Variants in ZNF92 observed in about 807,000 individuals in gnomAD.
ZNF92 encodes the protein zinc finger protein 92.
In ZNF92, 11 loss-of-function variants were observed where a neutral mutation model predicts 12.4. The ratio of observed to expected loss-of-function variants is 0.89; its 90% CI spans 0.56 to 1.47. ZNF92 has a LOEUF of 1.47. ZNF92 is among the 40% of genes most tolerant of loss of function. ZNF92 has a pLI of 0.00. For missense variants in ZNF92, 622 were observed against 681.0 expected, an observed-to-expected ratio of 0.91 and a Z score of 0.96; for synonymous variants, 206 against 228.6, an observed-to-expected ratio of 0.90 and a Z score of 0.89.
At chr7:65,391,944 A>G (rs1793726985) in intron 3 of ZNF92, among the ~76,000 whole-genome samples, 1 of 152,100 alleles carries the variant, frequency 6.6e-6, no homozygotes, top group Non-Finnish European at 1.5e-5. Flanking sequence ...ATTGCAAACC[A>G]GGTTTTATGA....
intron 1 of ZNF92, among the ~76,000 whole-genome samples, chr7:65,383,534 C>T (rs541705474): frequency 1.2e-4 from 18 of 152,062 alleles, no homozygotes; most frequent in African/African-American, 4.1e-4. Flanking sequence ...CTTTTCAGAT[C>T]TTGTTCAGTG....
In ZNF92 at chr7:65,399,115, T is replaced by C. The variant is rs567718683; in HGVS notation, c.1001T>C (p.Ile334Thr). ...TCAATTCTTAAAAAACATAAGATAA[T>C]CCATACTGGGGAAAAACCATACAAA... is the stretch of plus-strand genomic sequence containing the variant. ...VFSILKKHKI[I>T]HTGEKPYKCE... The change falls in exon 4 of 4, where the codon ATC (isoleucine) becomes ACC (threonine). Residue 334 changes from isoleucine to threonine, a missense_variant. By Grantham distance (89) the Ile-to-Thr change is moderately conservative. Transcript: ENST00000328747. 6.2e-7 allele frequency: 1 copy of C among 1,612,562 alleles called. No individual in the cohort carries two copies. The highest frequency in any genetic ancestry group is 8.5e-7 in the Non-Finnish European group (1 of 1,179,400).
intron 3 of ZNF92, among the ~76,000 whole-genome samples, chr7:65,392,375 T>C (rs1389306377): frequency 6.6e-6 from 1 of 151,836 alleles, no homozygotes; most frequent in Non-Finnish European, 1.5e-5. Flanking sequence ...TTTTTTTTTT[T>C]TTAGTTTTTC....
rs532766680 is a variant in ZNF92, at chr7:65,373,857, C to T, written c.-141C>T. 8 of 1,181,848 alleles carry T rather than the reference C, an allele frequency of 6.8e-6. No individual in the cohort carries two copies. Among genetic ancestry groups the T allele is most frequent in the African/African-American group, 4.5e-5 (3 of 66,284 alleles). The allele number at this position is 1,181,848 out of a possible 1,614,324, so 73.2% of individuals were successfully genotyped here. A position where few individuals can be genotyped will look rare whatever the true frequency, so the allele number is the denominator to read the frequency against. ...TTCCGGGATTTGGCGGGGCCTTTGT[C>T]TCTCGCTGCAGCCGGCGCTCCACGT... On this transcript the variant is annotated 5_prime_UTR_variant, in exon 1 of 4. Coordinates refer to ENST00000328747, the MANE Select transcript of ZNF92 (RefSeq NM_152626.4).
chr7:65,373,971 A>G lies in ZNF92; in HGVS notation c.-27A>G, dbSNP rs199520151. On this transcript the variant is annotated 5_prime_UTR_variant, in exon 1 of 4. Coordinates refer to ENST00000328747, the MANE Select transcript of ZNF92 (RefSeq NM_152626.4). ...AAGAACTTGGAGGTTCACAGCTAAGACGCCAGGACCCCCTGGAAGCCTAGA... is the reference window on the plus strand; with the variant it reads ...AAGAACTTGGAGGTTCACAGCTAAGGCGCCAGGACCCCCTGGAAGCCTAGA... 1.4e-4 allele frequency: 233 copies of G among 1,614,044 alleles called. 2 individuals carry two copies. The Middle Eastern group carries it at 2.0e-3, about 14-fold the overall frequency.
chr7:65,376,343 AG>A (rs1793237942), intron 1 of ZNF92, among the ~76,000 whole-genome samples: 1 of 152,144 alleles, frequency 6.6e-6, no homozygotes, highest in Admixed American at 6.6e-5. Flanking sequence ...GGCATAAAAG[AG>A]GTGAGTTTCA....
chr7:65,397,236 C>CT (rs1476343735), intron 3 of ZNF92, among the ~76,000 whole-genome samples: 7 of 151,988 alleles, frequency 4.6e-5, no homozygotes, highest in Non-Finnish European at 8.8e-5. Flanking sequence ...CCAAGACTCT[C>CT]TTCTTGTCTG....
chr7:65,381,602 G>T (rs562139370), intron 1 of ZNF92, among the ~76,000 whole-genome samples: 1 of 151,816 alleles, frequency 6.6e-6, no homozygotes, highest in African/African-American at 2.4e-5. Flanking sequence ...TCATAATATC[G>T]TTGGCAGTTT....
chr7:65,397,323 A>G (rs957775786), intron 3 of ZNF92, among the ~76,000 whole-genome samples: 6 of 125,190 alleles, frequency 4.8e-5, no homozygotes, highest in African/African-American at 1.1e-4. Flanking sequence ...TAGCTTCTTC[A>G]TGTTTTATTT....
rs749421256 is a variant in ZNF92, at chr7:65,399,839, A to C, written c.1725A>C (p.Lys575Asn). 1 of 1,595,784 alleles carries C rather than the reference A, an allele frequency of 6.3e-7. No homozygotes were observed. Among genetic ancestry groups the C allele is most frequent in the Non-Finnish European group, 8.5e-7 (1 of 1,172,436 alleles). ...ATGAATGTGGCAGAGCCTTTAACAA[A>C]TCCTCAAATTATACTAAAGAGAAAC... is the stretch of plus-strand genomic sequence containing the variant. Reference protein sequence around the residue: ...CKHECGRAFNKSSNYTKEKLQ... With the variant: ...CKHECGRAFNNSSNYTKEKLQ... The change falls in exon 4 of 4, where the codon AAA (lysine) becomes AAC (asparagine). Residue 575 changes from lysine (K) to asparagine (N), a missense_variant. Transcript: ENST00000328747.
intron 3 of ZNF92, among the ~76,000 whole-genome samples, chr7:65,396,534 AC>A (rs1793850531): frequency 6.6e-6 from 1 of 152,108 alleles, no homozygotes; most frequent in Non-Finnish European, 1.5e-5. Flanking sequence ...CTATAGGAGA[AC>A]TTTAAGGGTT....
chr7:65,393,204 T>A (rs1365201938), intron 3 of ZNF92, among the ~76,000 whole-genome samples: 2 of 152,130 alleles, frequency 1.3e-5, no homozygotes, highest in Non-Finnish European at 2.9e-5. Flanking sequence ...CAAACACCCT[T>A]CCACTTACTA....
intron 3 of ZNF92, among the ~76,000 whole-genome samples, 188 bp downstream of exon 3, chr7:65,389,089 A>G (rs1793646267): frequency 6.6e-6 from 1 of 151,972 alleles, no homozygotes; most frequent in Non-Finnish European, 1.5e-5. Flanking sequence ...CCTCCCGAGT[A>G]GCTGGGATTA....
chr7:65,399,862 A>G lies in ZNF92; in HGVS notation c.1748A>G (p.Lys583Arg). The G allele has an allele frequency of 6.3e-7, 1 of 1,576,042 alleles. No individual in the cohort carries two copies. The stretch of plus-strand genomic sequence containing the variant: ...AAATCCTCAAATTATACTAAAGAGA[A>G]ACTACAAACCTGAAAGATGTGACAA... ...FNKSSNYTKE[K>R]LQT The change falls in exon 4 of 4, where the codon AAA becomes AGA. Residue 583 changes from lysine to arginine, a missense_variant. Physicochemically the swap from Lys to Arg is conservative, Grantham distance 26. Coordinates refer to ENST00000328747, the MANE Select transcript of ZNF92 (RefSeq NM_152626.4).
chr7:65,400,737 A>G lies in ZNF92; in HGVS notation c.*862A>G, dbSNP rs187833886. On this transcript the variant is annotated 3_prime_UTR_variant, in exon 4 of 4. Coordinates refer to ENST00000328747, the MANE Select transcript of ZNF92 (RefSeq NM_152626.4). ...AAAATTACAGATTTTTTGAAAAGCA[A>G]TTGATGTAATTTAACTCTCAAATTC... is the stretch of plus-strand genomic sequence containing the variant. 4.6e-4 allele frequency: 70 copies of G among 152,124 alleles called. No individual in the cohort carries two copies. The highest frequency in any genetic ancestry group is 1.6e-3 in the African/African-American group (65 of 41,548). 9.4% of individuals were successfully genotyped at this position (152,124 alleles called of 1,614,324 possible).
chr7:65,394,281 G>A (rs1305696479), intron 3 of ZNF92, among the ~76,000 whole-genome samples: 1 of 151,798 alleles, frequency 6.6e-6, no homozygotes, highest in Non-Finnish European at 1.5e-5. Flanking sequence ...TTAATGTCCA[G>A]TTTCACCATT....
At chr7:65,396,067 C>CG (rs1201355632) in intron 3 of ZNF92, among the ~76,000 whole-genome samples, 1 of 150,366 alleles carries the variant, frequency 6.7e-6, no homozygotes, top group Admixed American at 6.7e-5. Context: ...CATGTGCCAT[C>CG]ATACCCAGCT....
chr7:65,388,944 C>A, intron 3 of ZNF92, 43 bp downstream of exon 3: 1 of 1,490,036 alleles, frequency 6.7e-7, no homozygotes, highest in Non-Finnish European at 9.1e-7. Flanking sequence ...ATGAGAGGTC[C>A]AAAAGTCAAG....
At chr7:65,390,977 G>T (rs751567227) in intron 3 of ZNF92, among the ~76,000 whole-genome samples, 2 of 152,138 alleles carry the variant, frequency 1.3e-5, no homozygotes, top group Non-Finnish European at 2.9e-5. Flanking sequence ...ACCAAGTTTG[G>T]TGGGCCATTT....
Sources: gnomAD v4.1 joint callset for allele counts (sites outside exome capture counted in the v4.1 genomes callset) on GRCh38, gnomAD v4.1.1 for gene constraint, MANE v1.5 for transcripts, NCBI Gene and HGNC (gene_info 2026-07-23, HGNC 2026-07-21) for gene names.